Variants in PDLIM5 observed in about 807,000 individuals in gnomAD.
PDLIM5 encodes the protein PDZ and LIM domain 5.
Under a neutral mutation model 64.2 loss-of-function variants are expected in PDLIM5, and 34 were observed. The ratio of observed to expected loss-of-function variants is 0.53; its 90% CI spans 0.40 to 0.71. PDLIM5 has a LOEUF of 0.71. Ranked by LOEUF, PDLIM5 falls within the 30% of genes least tolerant of loss-of-function variation. The probability of loss-of-function intolerance (pLI) is 0.00; values close to 1 mark genes in which losing one functional copy is unlikely to be tolerated. For missense variants in PDLIM5, 683 were observed against 733.6 expected (o/e 0.93, Z 0.80); for synonymous variants, 253 against 269.1 (o/e 0.94, Z 0.59).
chr4:94,610,391 T>C, intron 7 of PDLIM5: 1 of 715,926 alleles, frequency 1.4e-6, no homozygotes, highest in East Asian at 3.1e-5. Context: ...CATGCCCCTT[T>C]GAAGCAATCA....
intron 2 of PDLIM5, among the ~76,000 whole-genome samples, chr4:94,470,823 T>G (rs559961303): frequency 5.3e-5 from 8 of 152,362 alleles, no homozygotes; most frequent in Admixed American, 3.3e-4. Context: ...TGTATTGGTC[T>G]GTTCTCACAC....
At chr4:94,522,699 G>A in intron 2 of PDLIM5, among the ~76,000 whole-genome samples, 1 of 152,124 alleles carries the variant, frequency 6.6e-6, no homozygotes. Context: ...TCACGGTGTT[G>A]TGCGACCTTC....
chr4:94,542,335 G>T (rs34612297), intron 3 of PDLIM5, among the ~76,000 whole-genome samples: 55,151 of 139,380 alleles, frequency 0.4, 12,549 homozygotes, highest in South Asian at 0.68. Context: ...AATAAATAAA[G>T]TAAGTAAGTA....
chr4:94,645,038 C>G (rs1351216360), intron 9 of PDLIM5, among the ~76,000 whole-genome samples: 2 of 152,048 alleles, frequency 1.3e-5, no homozygotes, highest in African/African-American at 4.8e-5. Context: ...ATACTCTGAA[C>G]CTAATTTGTA....
intron 2 of PDLIM5, among the ~76,000 whole-genome samples, chr4:94,500,051 A>C (rs1261360429): frequency 6.6e-6 from 1 of 152,200 alleles, no homozygotes; most frequent in Non-Finnish European, 1.5e-5. Context: ...AGAATTTTGT[A>C]TCTGCAGGGG....
intron 2 of PDLIM5, among the ~76,000 whole-genome samples, chr4:94,489,434 T>G (rs1726656698): frequency 6.6e-6 from 1 of 152,166 alleles, no homozygotes; most frequent in Non-Finnish European, 1.5e-5. Context: ...ATTTTAGAGT[T>G]TGACTGTCAG....
At chr4:94,466,779 A>G (rs544561308) in intron 2 of PDLIM5, among the ~76,000 whole-genome samples, 2 of 152,324 alleles carry the variant, frequency 1.3e-5, no homozygotes, top group East Asian at 1.9e-4. Flanking sequence ...TTAATAATAT[A>G]TGATGTCAGG....
chr4:94,554,157 A>T (rs1733051286), intron 3 of PDLIM5, among the ~76,000 whole-genome samples: 1 of 152,210 alleles, frequency 6.6e-6, no homozygotes, highest in Admixed American at 6.5e-5. Context: ...TTTCCTGAGT[A>T]CATGCAGTAA....
At chr4:94,643,066 ATTTT>A (rs1166091177) in intron 9 of PDLIM5, among the ~76,000 whole-genome samples, 3 of 151,930 alleles carry the variant, frequency 2.0e-5, no homozygotes, top group Admixed American at 6.6e-5. Context: ...TATTTTATTT[ATTTT>A]TTTTTTTTCA....
At chr4:94,523,608 A>G in intron 2 of PDLIM5, 116 bp from the exon 3 acceptor site, 1 of 586,746 alleles carries the variant, frequency 1.7e-6, no homozygotes, top group Non-Finnish European at 2.9e-6. Flanking sequence ...AGACAGTTTT[A>G]TGTTACTTCA....
At chr4:94,577,228 A>G (rs1448082588) in intron 5 of PDLIM5, 2 of 457,090 alleles carry the variant, frequency 4.4e-6, no homozygotes, top group East Asian at 1.4e-4. Context: ...AGGAAAATAT[A>G]ATTAAAATAC....
At chr4:94,563,328 G>C (rs896802978) in intron 3 of PDLIM5, among the ~76,000 whole-genome samples, 10 of 152,060 alleles carry the variant, frequency 6.6e-5, no homozygotes, top group African/African-American at 2.4e-4. Context: ...GGATAGACTT[G>C]GCCTATGTAT....
chr4:94,648,561 A>G (rs1304787073), intron 9 of PDLIM5, among the ~76,000 whole-genome samples: 1 of 152,136 alleles, frequency 6.6e-6, no homozygotes, highest in Non-Finnish European at 1.5e-5. Flanking sequence ...CGGCCTCCCA[A>G]AATGCTGGGA....
At chr4:94,501,900 T>G (rs545988650) in intron 2 of PDLIM5, among the ~76,000 whole-genome samples, 1 of 152,304 alleles carries the variant, frequency 6.6e-6, no homozygotes, top group Non-Finnish European at 1.5e-5. Context: ...CTCAGAAGGC[T>G]GACTTCTTTC....
At chr4:94,558,846 AT>A (rs1418393545) in intron 3 of PDLIM5, among the ~76,000 whole-genome samples, 1 of 152,076 alleles carries the variant, frequency 6.6e-6, no homozygotes, top group Non-Finnish European at 1.5e-5. Flanking sequence ...TTAGTAAAAA[AT>A]TTAATCATAA....
chr4:94,654,292 A>G (rs1035819972), intron 9 of PDLIM5, among the ~76,000 whole-genome samples, 168 bp from the exon 10 acceptor site: 1 of 152,212 alleles, frequency 6.6e-6, no homozygotes, highest in Non-Finnish European at 1.5e-5. Flanking sequence ...ACATCAATGC[A>G]GAGTCCCTCT....
At chr4:94,628,135 T>C (rs1201706963) in intron 8 of PDLIM5, among the ~76,000 whole-genome samples, 1 of 152,186 alleles carries the variant, frequency 6.6e-6, no homozygotes, top group African/African-American at 2.4e-5. Context: ...CTCTCACCCT[T>C]TGAGGTAGTT....
intron 2 of PDLIM5, among the ~76,000 whole-genome samples, chr4:94,478,536 A>T (rs1725538066): frequency 6.6e-6 from 1 of 152,140 alleles, no homozygotes; most frequent in Non-Finnish European, 1.5e-5. Flanking sequence ...GTTATTAATC[A>T]AGGAAATCTA....
At chr4:94,659,272 C>A (rs1377681688) in intron 11 of PDLIM5, among the ~76,000 whole-genome samples, 2 of 152,052 alleles carry the variant, frequency 1.3e-5, no homozygotes, top group African/African-American at 4.8e-5. Context: ...CTTTCCTTAT[C>A]CAATCTAAAT....
Sources: gnomAD v4.1 joint callset for allele counts (sites outside exome capture counted in the v4.1 genomes callset) on GRCh38, gnomAD v4.1.1 for gene constraint, MANE v1.5 for transcripts, NCBI Gene and HGNC (gene_info 2026-07-23, HGNC 2026-07-21) for gene names.